The following SFMBT2 variants were observed in gnomAD, a reference collection of about 807,000 sequenced individuals.
SFMBT2 encodes scm-like with four MBT domains protein 2.
Under a neutral mutation model 110.1 loss-of-function variants are expected in SFMBT2, and 38 were observed. That is an observed-to-expected ratio of 0.35 (90% CI 0.27 to 0.45). The LOEUF (loss-of-function observed/expected upper bound fraction) is 0.45. SFMBT2 is among the 20% of genes least tolerant of loss of function. The pLI, the probability that SFMBT2 is intolerant of heterozygous loss-of-function variation, is 1.00. For synonymous variants in SFMBT2, 425 were observed against 425.4 expected (o/e 1.00, Z 0.01); for missense variants, 1,011 against 1,094.9 (o/e 0.92, Z 1.08).
At chr10:7,196,626 A>G (rs528972797) in intron 15 of SFMBT2, among the ~76,000 whole-genome samples, 1 of 152,292 alleles carries the variant, frequency 6.6e-6, no homozygotes, top group South Asian at 2.1e-4. Context: ...AATGCTTCCG[A>G]TGGTGCCTGG....
At position 7,160,262 on chromosome 10, in the gene SFMBT2, C is replaced by T. The variant is rs1056835020; in HGVS notation, c.*3508G>A. On this transcript the variant is annotated 3_prime_UTR_variant, in exon 21 of 21. Coordinates refer to ENST00000397167, the MANE Select transcript of SFMBT2 (RefSeq NM_001387889.1). ...GAAGTTCTGTAATGCCAGTAGTACC[C>T]TGTTGTTTTTCTAGGTTGTTAGGCT... The T allele has an allele frequency of 3.9e-5, 6 of 152,274 alleles. No homozygotes were observed. The highest frequency in any genetic ancestry group is 1.4e-4 in the African/African-American group (6 of 41,540). 9.4% of individuals were successfully genotyped at this position (152,274 alleles called of 1,614,324 possible).
chr10:7,382,701 G>T (rs544327536), intron 1 of SFMBT2, among the ~76,000 whole-genome samples: 1 of 152,278 alleles, frequency 6.6e-6, no homozygotes, highest in African/African-American at 2.4e-5. Flanking sequence ...GCCTCAGGAA[G>T]AAGTCCTCAC....
intron 4 of SFMBT2, among the ~76,000 whole-genome samples, chr10:7,324,736 G>A (rs867099075): frequency 5.3e-5 from 8 of 152,210 alleles, no homozygotes; most frequent in African/African-American, 7.2e-5. Flanking sequence ...GATCAAGGGG[G>A]CAGCATGGTC....
Position 7,197,566 on chromosome 10 carries a change from G to A in SFMBT2, c.1680C>T (p.Cys560=), listed in dbSNP as rs537093264. ...GCTTTACCTCTTTAAGAACCAGCACGCATTTGCCCGGTCCCACCGACTGAG... is the reference window on the plus strand; with the variant it reads ...GCTTTACCTCTTTAAGAACCAGCACACATTTGCCCGGTCCCACCGACTGAG... ...ELPQSVGPGK[C]VLVLKEVLSM... is the part of the protein sequence containing the mutation. Residue 560 remains cysteine, a synonymous_variant, in exon 15 of 21, where the codon TGC becomes TGT. Transcript: ENST00000397167. 3.0e-5 allele frequency: 48 copies of A among 1,614,142 alleles called. No individual in the cohort carries two copies. The highest frequency in any genetic ancestry group is 2.1e-4 in the African/African-American group (16 of 75,044).
intron 1 of SFMBT2, among the ~76,000 whole-genome samples, chr10:7,384,226 A>AAAAAC (rs1337445403): frequency 3.3e-5 from 5 of 149,582 alleles, no homozygotes; most frequent in African/African-American, 1.2e-4. Flanking sequence ...AAAAAAAAAA[A>AAAAAC]AAAAAAAAAA....
At chr10:7,174,842 G>A (rs924636679) in intron 17 of SFMBT2, among the ~76,000 whole-genome samples, 3 of 152,202 alleles carry the variant, frequency 2.0e-5, no homozygotes, top group Admixed American at 6.5e-5. Context: ...ACACACCTGC[G>A]GGCCCTACCT....
At chr10:7,324,300 A>G (rs560606266) in intron 4 of SFMBT2, among the ~76,000 whole-genome samples, 1 of 152,372 alleles carries the variant, frequency 6.6e-6, no homozygotes, top group African/African-American at 2.4e-5. Context: ...TCTCCACCGC[A>G]TATTCAGCTT....
chr10:7,270,869 T>C (rs944834825), intron 7 of SFMBT2, among the ~76,000 whole-genome samples: 10 of 152,174 alleles, frequency 6.6e-5, no homozygotes, highest in African/African-American at 2.2e-4. Context: ...AAATGTTTAA[T>C]GAATTAGTTA....
intron 4 of SFMBT2, among the ~76,000 whole-genome samples, chr10:7,302,601 T>A (rs1313102565): frequency 2.6e-5 from 4 of 152,252 alleles, no homozygotes; most frequent in African/African-American, 9.6e-5. Context: ...TTCTTGTTTT[T>A]ATGAGAAAGA....
rs1554782947 is a variant in SFMBT2, at chr10:7,186,425, T to TACACATACACACACACAC, written c.1808+2198_1808+2199insGTGTGTGTGTGTATGTGT. ...TATACACATACATACATACTATATATACACACACACACACACACACACACA... is the reference window on the plus strand; with the variant it reads ...TATACACATACATACATACTATATATACACATACACACACACACACACACACACACACACACACACACA... On this transcript the variant is annotated intron_variant, in intron 16 of 20. Transcript: ENST00000397167. Among the ~76,000 whole-genome samples the TACACATACACACACACAC allele has an allele frequency of 2.3e-4, 25 of 109,372 alleles. 1 individual carries two copies. Among genetic ancestry groups the TACACATACACACACACAC allele is most frequent in the African/African-American group, 8.7e-4 (24 of 27,522 alleles). The allele number at this position is 109,372 out of a possible 152,430, so 71.8% of individuals were successfully genotyped here.
At chr10:7,345,413 C>T (rs1291169290) in intron 4 of SFMBT2, among the ~76,000 whole-genome samples, 1 of 152,210 alleles carries the variant, frequency 6.6e-6, no homozygotes, top group African/African-American at 2.4e-5. Flanking sequence ...GGCTAGAGTG[C>T]AGTGGCAGGA....
intron 10 of SFMBT2, among the ~76,000 whole-genome samples, chr10:7,223,450 T>C (rs901726098): frequency 1.3e-5 from 2 of 152,186 alleles, no homozygotes; most frequent in East Asian, 3.8e-4. Context: ...TTTTAATTCT[T>C]ATTCAGCCAC....
At chr10:7,337,564 C>T (rs1410373202) in intron 4 of SFMBT2, among the ~76,000 whole-genome samples, 1 of 152,172 alleles carries the variant, frequency 6.6e-6, no homozygotes, top group Non-Finnish European at 1.5e-5. Context: ...CTCCAGCCCA[C>T]GTAAGACATG....
chr10:7,263,524 G>T (rs1458198992), intron 7 of SFMBT2, among the ~76,000 whole-genome samples: 2 of 152,206 alleles, frequency 1.3e-5, no homozygotes, highest in Non-Finnish European at 2.9e-5. Flanking sequence ...TTACAGGTGT[G>T]AGCCACCGTG....
rs539498705 is a variant in SFMBT2 at position 7,249,553 on chromosome 10, G to A, written c.871-904C>T. On this transcript the variant is annotated intron_variant, in intron 7 of 20. Coordinates refer to ENST00000397167, the MANE Select transcript of SFMBT2 (RefSeq NM_001387889.1). ...TGCGATTTCCAAATACATCAATTGG[G>A]TGTGAAGTACAAAAATATCTGGGGA... The A allele has an allele frequency of 3.7e-5, 36 of 985,316 alleles. No homozygotes were observed. The South Asian group carries it at 1.4e-3, about 37-fold the overall frequency. The allele number at this position is 985,316 out of a possible 1,614,324, so 61.0% of individuals were successfully genotyped here. A position where few individuals can be genotyped will look rare whatever the true frequency, so the allele number is the denominator to read the frequency against.
chr10:7,214,628 C>T (rs894732377), intron 11 of SFMBT2: 26 of 985,372 alleles, frequency 2.6e-5, no homozygotes, highest in South Asian at 1.4e-4. Context: ...ACACACGTAG[C>T]GGACCTGCCT....
At position 7,293,055 on chromosome 10, in the gene SFMBT2, T is replaced by A. The variant is rs1180813056; in HGVS notation, c.437-7101A>T. 6.6e-6 allele frequency among the ~76,000 whole-genome samples: 1 copy of A among 152,220 alleles called. No homozygotes were observed. Among genetic ancestry groups the A allele is most frequent in the South Asian group, 2.1e-4 (1 of 4,824 alleles). The stretch of plus-strand genomic sequence containing the variant: ...GTTGGAAGCAAATGACACAGCCCTA[T>A]CACAGTGATGACATTAGGGTGAAAG... On this transcript the variant is annotated intron_variant, in intron 4 of 20. Transcript: ENST00000397167. The surrounding 1 kb of genome is among the most constrained non-coding windows in gnomAD (Gnocchi z 4.6).
chr10:7,400,261 T>C (rs1846038072), intron 1 of SFMBT2, among the ~76,000 whole-genome samples: 1 of 152,238 alleles, frequency 6.6e-6, no homozygotes, highest in African/African-American at 2.4e-5. Flanking sequence ...TGTTCTGCAC[T>C]TTCCAGCTCT....
chr10:7,397,112 G>A lies in SFMBT2; in HGVS notation c.-52+13749C>T, dbSNP rs187773848. Among the ~76,000 whole-genome samples the A allele has an allele frequency of 2.1e-3, 317 of 152,264 alleles. 2 individuals are homozygous for A. Among genetic ancestry groups the A allele is most frequent in the Non-Finnish European group, 3.1e-3 (214 of 68,028 alleles). ...CAATTGGAATCATCCAAACTCAAGT[G>A]AAAAAGTGAAACTTTAAACTGTGAT... On this transcript the variant is annotated intron_variant, in intron 1 of 20. Coordinates refer to ENST00000397167, the MANE Select transcript of SFMBT2 (RefSeq NM_001387889.1).
Sources: gnomAD v4.1 joint callset for allele counts (sites outside exome capture counted in the v4.1 genomes callset) on GRCh38, gnomAD v4.1.1 for gene constraint, Gnocchi (gnomAD v3.1) non-coding constraint, MANE v1.5 for transcripts, NCBI Gene and HGNC (gene_info 2026-07-23, HGNC 2026-07-21) for gene names.